CIDEA: variants seen among roughly 807,000 people sequenced by gnomAD.
CIDEA encodes the protein lipid transferase CIDEA.
In CIDEA, 10 loss-of-function variants were observed where a neutral mutation model predicts 18.2. That is an observed-to-expected ratio of 0.55 (90% confidence interval 0.34 to 0.93). The LOEUF is 0.93. Ranked by LOEUF, CIDEA falls within the 40% of genes least tolerant of loss-of-function variation. The pLI is 0.02. For missense variants in CIDEA, 309 were observed against 293.1 expected (o/e 1.05, Z -0.40); for synonymous variants, 128 against 124.8 (o/e 1.03, Z -0.17).
At chr18:12,261,427 A>C (rs1363219450) in intron 1 of CIDEA, among the ~76,000 whole-genome samples, 1 of 152,194 alleles carries the variant, frequency 6.6e-6, no homozygotes, top group African/African-American at 2.4e-5. Flanking sequence ...ATGTGGCTCT[A>C]CTGGCCCCCC....
At chr18:12,275,183 C>T (rs1905290544) in intron 4 of CIDEA, among the ~76,000 whole-genome samples, 3 of 152,136 alleles carry the variant, frequency 2.0e-5, no homozygotes, top group Admixed American at 1.3e-4. Flanking sequence ...ATTAGCTGGG[C>T]GTGGTGGCGG....
chr18:12,270,894 CTTTTTTTTTTTT>C (rs771335202), intron 3 of CIDEA, among the ~76,000 whole-genome samples: 5 of 60,018 alleles, frequency 8.3e-5, no homozygotes, highest in Admixed American at 2.7e-4. Flanking sequence ...TTTTTCTTTT[CTTTTTTTTTTTT>C]TTTTTTTTTT....
rs1233357520 is a variant in CIDEA at position 12,274,102 on chromosome 18, C to A, written c.340C>A (p.His114Asn). The part of the protein sequence containing the change: ...KGQKWMPGSQ[H>N]VPTCSPPKRS... ...CCCCCCATTGTCACAGGGCAGCCAG[C>A]ACGTCCCCACTTGCTCGCCGCCGAA... Residue 114 changes from histidine to asparagine, a missense_variant, in exon 4 of 5, where the codon CAC becomes AAC. By Grantham distance (68) the His-to-Asn change is moderately conservative. Coordinates refer to ENST00000320477, the MANE Select transcript of CIDEA (RefSeq NM_001279.4). 2 of 1,614,166 alleles carry A rather than the reference C, an allele frequency of 1.2e-6. No homozygotes were observed.
intron 3 of CIDEA, among the ~76,000 whole-genome samples, chr18:12,270,556 G>T (rs1196252378): frequency 6.6e-6 from 1 of 151,930 alleles, no homozygotes; most frequent in Non-Finnish European, 1.5e-5. Flanking sequence ...AAGCATGCTG[G>T]TAGGCACCTG....
intron 3 of CIDEA, among the ~76,000 whole-genome samples, chr18:12,266,085 G>T (rs917711826): frequency 1.3e-5 from 2 of 152,160 alleles, no homozygotes; most frequent in Admixed American, 6.5e-5. Context: ...TTAAGGCTTA[G>T]CTGGGCAAGA....
rs1316264972 is a variant in CIDEA at position 12,277,111 on chromosome 18, C to A, written c.513-12C>A. On this transcript the variant is annotated splice_polypyrimidine_tract_variant and intron_variant, in intron 4 of 4. Coordinates refer to ENST00000320477, the MANE Select transcript of CIDEA (RefSeq NM_001279.4). ...TCCCAAGCTAAAGCCTCCCCATCTGCCTCTGCCACAGGAGTCTGCTGCGGT... is the reference window on the plus strand; with the variant it reads ...TCCCAAGCTAAAGCCTCCCCATCTGACTCTGCCACAGGAGTCTGCTGCGGT... 6.2e-7 allele frequency: 1 copy of A among 1,613,450 alleles called. No individual in the cohort carries two copies. Among genetic ancestry groups the A allele is most frequent in the Non-Finnish European group, 8.5e-7 (1 of 1,179,640 alleles).
rs1244646387 is a variant in CIDEA, at chr18:12,262,880, C to G, written c.94C>G (p.His32Asp). The G allele has an allele frequency of 6.2e-7, 1 of 1,614,112 alleles. No individual in the cohort carries two copies. Among genetic ancestry groups the G allele is most frequent in the Non-Finnish European group, 8.5e-7 (1 of 1,180,036 alleles). The change falls in exon 2 of 5, where the codon CAT (histidine) becomes GAT (aspartate). Residue 32 changes from histidine to aspartate, a missense_variant. His to Asp is a moderately conservative substitution (Grantham distance 81, BLOSUM62 -1). Transcript: ENST00000320477. ...TKRVLFTPLM[H>D]PARPFRVSNH... ...GCGAGTCCTGTTCACCCCGCTCATG[C>G]ATCCAGCTCGCCCTTTCCGGGTCTC... is the stretch of plus-strand genomic sequence containing the variant.
At chr18:12,263,013 C>T (rs765811013) in intron 2 of CIDEA, 44 bp downstream of exon 2, 2 of 1,599,686 alleles carry the variant, frequency 1.3e-6, no homozygotes, top group Non-Finnish European at 1.7e-6. Flanking sequence ...CAGGGGTGCC[C>T]TGCACTCACA....
rs1462318176 is a variant in CIDEA, at chr18:12,254,402, T to C, written c.19T>C (p.Tyr7His). ...CCGCGCCATGGAGGCCGCCCGGGAC[T>C]ATGCAGGAGCCCTCATCAGGCGAGT... Reference protein sequence around the residue: MEAARDYAGALIRPLTF... With the variant: MEAARDHAGALIRPLTF... Residue 7 changes from tyrosine (Y) to histidine (H), a missense_variant, in exon 1 of 5, where the codon TAT (tyrosine) becomes CAT (histidine). Tyr to His is a moderately conservative substitution (Grantham distance 83). Coordinates refer to ENST00000320477, the MANE Select transcript of CIDEA (RefSeq NM_001279.4). The C allele has an allele frequency of 1.3e-6, 2 of 1,570,404 alleles. No individual in the cohort carries two copies. The highest frequency in any genetic ancestry group is 2.7e-5 in the African/African-American group (2 of 74,008).
At position 12,277,350 on chromosome 18, in the gene CIDEA, GT is replaced by G. The variant is rs1448520896; in HGVS notation, c.*82del. On this transcript the variant is annotated 3_prime_UTR_variant, in exon 5 of 5. Coordinates refer to ENST00000320477, the MANE Select transcript of CIDEA (RefSeq NM_001279.4). Reference sequence around the variant, plus strand: ...TGACGAATGTTGAAGATGCTTTTATGTTCTGAGCCACATGCACTTGGAGGCC... The same window carrying G: ...TGACGAATGTTGAAGATGCTTTTATGTCTGAGCCACATGCACTTGGAGGCC... 6 of 1,514,024 alleles carry G rather than the reference GT, an allele frequency of 4.0e-6. No individual in the cohort carries two copies. Among genetic ancestry groups the G allele is most frequent in the Non-Finnish European group, 5.4e-6 (6 of 1,105,884 alleles). 93.8% of individuals were successfully genotyped at this position (1,514,024 alleles called of 1,614,324 possible).
chr18:12,276,553 G>A (rs369044524), intron 4 of CIDEA, among the ~76,000 whole-genome samples: 28 of 152,292 alleles, frequency 1.8e-4, no homozygotes, highest in East Asian at 9.7e-4. Context: ...TGGAACTCAC[G>A]ACAGCCCCCA....
chr18:12,262,418 G>A (rs899701122), intron 1 of CIDEA, among the ~76,000 whole-genome samples: 3 of 152,168 alleles, frequency 2.0e-5, no homozygotes, highest in Non-Finnish European at 2.9e-5. Context: ...ATGTAGCTAT[G>A]TGCACGTGTC....
rs772460957 is a variant in CIDEA, at chr18:12,254,397, G to C, written c.14G>C (p.Arg5Pro). 3.8e-6 allele frequency: 6 copies of C among 1,559,784 alleles called. No homozygotes were observed. In the African/African-American group the frequency reaches 8.1e-5, roughly 21 times the overall value. ...GGGATCCGCGCCATGGAGGCCGCCC[G>C]GGACTATGCAGGAGCCCTCATCAGG... MEAA[R>P]DYAGALIRPL... Residue 5 changes from arginine (R) to proline (P), a missense_variant, in exon 1 of 5, where the codon CGG becomes CCG. Coordinates refer to ENST00000320477, the MANE Select transcript of CIDEA (RefSeq NM_001279.4).
In CIDEA at chr18:12,254,366, C is replaced by T. The variant is rs369439167; in HGVS notation, c.-18C>T. 19 of 1,525,636 alleles carry T rather than the reference C, an allele frequency of 1.2e-5. No individual in the cohort carries two copies. Among genetic ancestry groups the T allele is most frequent in the Non-Finnish European group, 1.7e-5 (19 of 1,137,810 alleles). 94.5% of individuals were successfully genotyped at this position (1,525,636 alleles called of 1,614,324 possible). ...GTGCAGGCAGACAGACCTCCAGGCC[C>T]GCTAGGGGATCCGCGCCATGGAGGC... On this transcript the variant is annotated 5_prime_UTR_variant, in exon 1 of 5. Transcript: ENST00000320477.
At chr18:12,266,750 A>G (rs1173515739) in intron 3 of CIDEA, among the ~76,000 whole-genome samples, 1 of 148,774 alleles carries the variant, frequency 6.7e-6, no homozygotes, top group African/African-American at 2.5e-5. Flanking sequence ...AACAAGATAC[A>G]ATGCACAAGT....
chr18:12,257,261 C>T (rs1349940227), intron 1 of CIDEA, among the ~76,000 whole-genome samples: 1 of 152,156 alleles, frequency 6.6e-6, no homozygotes, highest in Non-Finnish European at 1.5e-5. Flanking sequence ...CGGTGGCTGC[C>T]TCTTTTTCTT....
intron 3 of CIDEA, among the ~76,000 whole-genome samples, chr18:12,270,665 C>T (rs146543390): frequency 0.015 from 1,722 of 117,828 alleles, 31 homozygotes; most frequent in African/African-American, 0.052. Context: ...CCAGCCTGGG[C>T]GACAGAGCAA....
chr18:12,262,793 T>A (rs756523183), intron 1 of CIDEA, 32 bp from the exon 2 acceptor site: 2 of 1,596,692 alleles, frequency 1.3e-6, no homozygotes, highest in Non-Finnish European at 1.7e-6. Context: ...AGACTCTTTT[T>A]AAAAAGTTTT....
At chr18:12,270,518 G>A (rs117417832) in intron 3 of CIDEA, among the ~76,000 whole-genome samples, 27,675 of 151,760 alleles carry the variant, frequency 0.18, 2,764 homozygotes, top group Non-Finnish European at 0.22. Flanking sequence ...GTGAAACCCC[G>A]TCTTTACTAA....
Sources: allele counts gnomAD v4.1 joint callset (sites outside exome capture counted in the v4.1 genomes callset), GRCh38; gene constraint gnomAD v4.1.1; transcripts MANE v1.5; gene names NCBI Gene and HGNC (gene_info 2026-07-23, HGNC 2026-07-21).